Variants in DENND1B observed in about 807,000 individuals in gnomAD.
DENND1B encodes DENN domain containing 1B, also known as DENN domain-containing protein 1B.
DENND1B carries 59 observed loss-of-function variants against 90.1 expected under a neutral mutation model. That is an observed-to-expected ratio of 0.65 (90% confidence interval 0.53 to 0.81). DENND1B has a LOEUF of 0.81. Ranked by LOEUF, DENND1B falls within the 40% of genes least tolerant of loss-of-function variation. The pLI is 0.00. For missense variants in DENND1B, 862 were observed against 912.6 expected (o/e 0.94, Z 0.71); for synonymous variants, 337 against 324.6 (o/e 1.04, Z -0.41).
intron 3 of DENND1B, among the ~76,000 whole-genome samples, chr1:197,707,676 A>G (rs1179615485): frequency 7.2e-6 from 1 of 139,038 alleles, no homozygotes; most frequent in Non-Finnish European, 1.5e-5. Flanking sequence ...ATAATATAAT[A>G]ATATAATATA....
At chr1:197,622,460 A>G (rs373698142) in intron 10 of DENND1B, among the ~76,000 whole-genome samples, 3 of 151,408 alleles carry the variant, frequency 2.0e-5, no homozygotes, top group African/African-American at 7.3e-5. Context: ...ATTTTAAATT[A>G]TCATCATTAT....
At chr1:197,693,139 G>A (rs1409550779) in intron 3 of DENND1B, among the ~76,000 whole-genome samples, 2 of 151,516 alleles carry the variant, frequency 1.3e-5, no homozygotes, top group Non-Finnish European at 3.0e-5. Context: ...TGAACTCTGT[G>A]TCTGCATTTT....
intron 6 of DENND1B, among the ~76,000 whole-genome samples, chr1:197,652,837 G>A (rs1382531930): frequency 6.6e-6 from 1 of 151,624 alleles, no homozygotes; most frequent in African/African-American, 2.4e-5. Context: ...ACAATAAATG[G>A]GATTAAATAA....
chr1:197,552,015 A>G (rs1384092306), intron 16 of DENND1B, among the ~76,000 whole-genome samples: 1 of 152,096 alleles, frequency 6.6e-6, no homozygotes, highest in African/African-American at 2.4e-5. Flanking sequence ...CCTTTAATGA[A>G]CCAATTATCT....
chr1:197,553,207 A>G (rs570547120), intron 15 of DENND1B, 95 bp from the exon 16 acceptor site: 1 of 954,146 alleles, frequency 1.0e-6, no homozygotes, highest in African/African-American at 1.7e-5. Context: ...TTTTACTTAC[A>G]TCAAAAACAT....
intron 9 of DENND1B, among the ~76,000 whole-genome samples, chr1:197,644,473 A>G (rs998562073): frequency 4.6e-5 from 7 of 152,206 alleles, no homozygotes; most frequent in African/African-American, 1.7e-4. Flanking sequence ...TAGGAGAGAG[A>G]GTAGACGGAA....
At chr1:197,591,122 C>T (rs78259147) in intron 14 of DENND1B, among the ~76,000 whole-genome samples, 9,305 of 152,202 alleles carry the variant, frequency 0.061, 439 homozygotes, top group Non-Finnish European at 0.095. Context: ...GAAAAATGCA[C>T]ATTTTCAATA....
chr1:197,662,401 T>C (rs965260215), intron 5 of DENND1B, among the ~76,000 whole-genome samples: 2 of 152,022 alleles, frequency 1.3e-5, no homozygotes, highest in Non-Finnish European at 2.9e-5. Context: ...CACTAATGCT[T>C]TGATACATAC....
At chr1:197,657,382 C>T (rs1388077134) in intron 6 of DENND1B, among the ~76,000 whole-genome samples, 1 of 152,116 alleles carries the variant, frequency 6.6e-6, no homozygotes, top group South Asian at 2.1e-4. Flanking sequence ...TTAGGTGATG[C>T]TTGCTGTGTT....
At chr1:197,529,242 A>ATATGTGTGTGTG (rs1553277550) in intron 20 of DENND1B, among the ~76,000 whole-genome samples, 22 of 10,846 alleles carry the variant, frequency 2.0e-3, no homozygotes, top group African/African-American at 3.5e-3. Context: ...ATATATATAT[A>ATATGTGTGTGTG]TGTGTGTGTG....
At chr1:197,585,337 C>A (rs1674606620) in intron 14 of DENND1B, among the ~76,000 whole-genome samples, 1 of 152,206 alleles carries the variant, frequency 6.6e-6, no homozygotes, top group African/African-American at 2.4e-5. Flanking sequence ...GCAGTTCTGG[C>A]ATCACTGCTA....
chr1:197,721,887 G>C (rs1008179344), intron 2 of DENND1B, among the ~76,000 whole-genome samples: 4 of 152,044 alleles, frequency 2.6e-5, no homozygotes, highest in African/African-American at 9.7e-5. Flanking sequence ...TGAATGTTTT[G>C]TGACACTGGA....
chr1:197,760,851 T>C (rs1236598453), intron 2 of DENND1B, among the ~76,000 whole-genome samples: 3 of 152,140 alleles, frequency 2.0e-5, no homozygotes, highest in Non-Finnish European at 4.4e-5. Context: ...GAGACAAATA[T>C]TTACAAATTA....
At chr1:197,758,645 C>A (rs561649498) in intron 2 of DENND1B, among the ~76,000 whole-genome samples, 1 of 152,234 alleles carries the variant, frequency 6.6e-6, no homozygotes, top group African/African-American at 2.4e-5. Context: ...TTTCAACTCT[C>A]GGTCCAGTAT....
At chr1:197,742,492 C>T (rs1297863697) in intron 2 of DENND1B, among the ~76,000 whole-genome samples, 1 of 152,156 alleles carries the variant, frequency 6.6e-6, no homozygotes, top group East Asian at 1.9e-4. Context: ...TAGGAGACTT[C>T]ACTTTTGGTC....
At chr1:197,541,246 C>A (rs1175730783) in intron 18 of DENND1B, among the ~76,000 whole-genome samples, 1 of 152,062 alleles carries the variant, frequency 6.6e-6, no homozygotes, top group Non-Finnish European at 1.5e-5. Flanking sequence ...AAGTATCATA[C>A]AAAGGCTAAC....
chr1:197,573,686 G>A (rs1558258018), intron 15 of DENND1B, among the ~76,000 whole-genome samples: 1 of 152,142 alleles, frequency 6.6e-6, no homozygotes, highest in Non-Finnish European at 1.5e-5. Context: ...GACAAACATT[G>A]ATGCGAAAAT....
At chr1:197,733,001 G>C (rs1662290293) in intron 2 of DENND1B, among the ~76,000 whole-genome samples, 1 of 152,074 alleles carries the variant, frequency 6.6e-6, no homozygotes, top group Non-Finnish European at 1.5e-5. Context: ...ATGTACCGCA[G>C]ATATGCAGTG....
chr1:197,741,683 A>T (rs1176651384), intron 2 of DENND1B, among the ~76,000 whole-genome samples: 1 of 152,186 alleles, frequency 6.6e-6, no homozygotes, highest in Non-Finnish European at 1.5e-5. Flanking sequence ...TGGTATCTAT[A>T]CAATCTCACC....
Sources: gnomAD v4.1 joint callset for allele counts (sites outside exome capture counted in the v4.1 genomes callset) on GRCh38, gnomAD v4.1.1 for gene constraint, MANE v1.5 for transcripts, NCBI Gene and HGNC (gene_info 2026-07-23, HGNC 2026-07-21) for gene names.